The following SH3RF3 variants were observed in gnomAD, a reference collection of about 807,000 sequenced individuals.
The protein encoded by SH3RF3 is SH3 domain containing ring finger 3.
SH3RF3 carries 29 observed loss-of-function variants against 66.3 expected under a neutral mutation model. That is an observed-to-expected ratio of 0.44 (90% CI 0.33 to 0.60). The LOEUF (loss-of-function observed/expected upper bound fraction) is 0.60, where lower values mean the gene tolerates loss of function less well. SH3RF3 is among the 20% of genes least tolerant of loss of function. The probability of loss-of-function intolerance (pLI) is 0.04; values close to 1 mark genes in which losing one functional copy is unlikely to be tolerated. For missense variants in SH3RF3, 1,194 were observed against 1,190.9 expected (o/e 1.00, Z -0.04); for synonymous variants, 583 against 532.0 (o/e 1.10, Z -1.32).
Position 109,129,972 on chromosome 2 carries a change from T to G in SH3RF3, c.432T>G (p.Ser144Arg), listed in dbSNP as rs954408094. ...SPPARPIPGQ[S>R]AAPTLAGGGG... ...CCGCGCGTCCCATCCCAGGCCAGAGTGCGGCCCCCACGCTCGCGGGCGGCG... is the reference window on the plus strand; with the variant it reads ...CCGCGCGTCCCATCCCAGGCCAGAGGGCGGCCCCCACGCTCGCGGGCGGCG... Residue 144 changes from serine (S) to arginine (R), a missense_variant, in exon 1 of 10, where the codon AGT becomes AGG. Ser to Arg is a moderately radical substitution (Grantham distance 110). Coordinates refer to ENST00000309415, the MANE Select transcript of SH3RF3 (RefSeq NM_001099289.3). 56 of 1,338,290 alleles carry G rather than the reference T, an allele frequency of 4.2e-5. No individual in the cohort carries two copies. Among genetic ancestry groups the G allele is most frequent in the Non-Finnish European group, 5.1e-5 (54 of 1,050,448 alleles). The allele number at this position is 1,338,290 out of a possible 1,614,324, so 82.9% of individuals were successfully genotyped here.
intron 1 of SH3RF3, among the ~76,000 whole-genome samples, chr2:109,196,786 G>A (rs1678511520): frequency 6.6e-6 from 1 of 152,200 alleles, no homozygotes; most frequent in African/African-American, 2.4e-5. Context: ...ATGAGATCAG[G>A]CGCCAATAGC....
intron 3 of SH3RF3, among the ~76,000 whole-genome samples, chr2:109,377,692 C>T (rs1178540640): frequency 6.6e-6 from 1 of 152,050 alleles, no homozygotes; most frequent in Non-Finnish European, 1.5e-5. Flanking sequence ...TGGCCATTTC[C>T]CGTTTGAGAG....
At chr2:109,447,193 GA>G (rs1241725685) in intron 7 of SH3RF3, among the ~76,000 whole-genome samples, 13 of 120,610 alleles carry the variant, frequency 1.1e-4, no homozygotes, top group South Asian at 2.9e-4. Context: ...AAAGAAAACA[GA>G]AAAAAAAAAC....
At chr2:109,440,956 T>C (rs1351925589) in intron 7 of SH3RF3, among the ~76,000 whole-genome samples, 1 of 151,978 alleles carries the variant, frequency 6.6e-6, no homozygotes, top group African/African-American at 2.4e-5. Context: ...GACGGAAAAA[T>C]TGCAGAAATC....
At chr2:109,230,027 T>C (rs1009226154) in intron 1 of SH3RF3, among the ~76,000 whole-genome samples, 2 of 151,522 alleles carry the variant, frequency 1.3e-5, no homozygotes, top group African/African-American at 4.8e-5. Flanking sequence ...GGTTTCACCA[T>C]GTTAGCCAGG....
chr2:109,372,771 T>G (rs1486287587), intron 3 of SH3RF3, among the ~76,000 whole-genome samples: 1 of 152,202 alleles, frequency 6.6e-6, no homozygotes, highest in Admixed American at 6.5e-5. Context: ...CTCAGCTCAG[T>G]GCTGGGCTCC....
At chr2:109,133,972 T>A (rs1164283615) in intron 1 of SH3RF3, among the ~76,000 whole-genome samples, 1 of 152,134 alleles carries the variant, frequency 6.6e-6, no homozygotes, top group Non-Finnish European at 1.5e-5. Context: ...GTCCAGCTGG[T>A]CAGCTAGTGG....
intron 1 of SH3RF3, among the ~76,000 whole-genome samples, chr2:109,277,385 C>T (rs796976744): frequency 1.3e-5 from 2 of 152,270 alleles, no homozygotes; most frequent in African/African-American, 2.4e-5. Context: ...TGACCCCGGC[C>T]TCGGTGATGG....
chr2:109,328,465 A>G (rs1038661620), intron 1 of SH3RF3, among the ~76,000 whole-genome samples: 2 of 152,014 alleles, frequency 1.3e-5, no homozygotes, highest in African/African-American at 2.4e-5. Context: ...ATTTCCTGTA[A>G]ACTGGTAGTT....
chr2:109,466,695 T>A (rs910044625), intron 8 of SH3RF3, among the ~76,000 whole-genome samples: 2 of 152,222 alleles, frequency 1.3e-5, no homozygotes, highest in Non-Finnish European at 2.9e-5. Context: ...TTCTAGGAGT[T>A]TCATAGTTTT....
intron 1 of SH3RF3, chr2:109,141,463 T>G (rs1424890685): frequency 6.5e-6 from 1 of 154,550 alleles, no homozygotes; most frequent in Non-Finnish European, 1.5e-5. Flanking sequence ...CTGCAGCACC[T>G]AGGCACATGC....
chr2:109,488,602 G>A (rs1392030848), intron 8 of SH3RF3, among the ~76,000 whole-genome samples: 1 of 152,146 alleles, frequency 6.6e-6, no homozygotes, highest in African/African-American at 2.4e-5. Flanking sequence ...ACCCCTCACG[G>A]TTTCTTCTTT....
chr2:109,279,072 T>A (rs7569419), intron 1 of SH3RF3, among the ~76,000 whole-genome samples: 53,015 of 152,068 alleles, frequency 0.35, 9,372 homozygotes, highest in South Asian at 0.41. Context: ...TAAGAGGATC[T>A]TGGGAACTGC....
At chr2:109,259,320 G>C (rs1191581385) in intron 1 of SH3RF3, among the ~76,000 whole-genome samples, 1 of 152,226 alleles carries the variant, frequency 6.6e-6, no homozygotes, top group Admixed American at 6.5e-5. Flanking sequence ...GGCTCTGACA[G>C]TTGAGCCTAC....
Position 109,309,677 on chromosome 2 carries a change from A to G in SH3RF3, c.574-37997A>G, listed in dbSNP as rs187236455. ...GGAAGATCTACCAAGCAAATGGAAA[A>G]CAAAAAAAGGCAGGGAGTCTCTGAT... is the stretch of plus-strand genomic sequence containing the variant. On this transcript the variant is annotated intron_variant, in intron 1 of 9. Coordinates refer to ENST00000309415, the MANE Select transcript of SH3RF3 (RefSeq NM_001099289.3). Among the ~76,000 whole-genome samples, 145 of 128,798 alleles carry G rather than the reference A, an allele frequency of 1.1e-3. 18 individuals are homozygous for G. The highest frequency in any genetic ancestry group is 7.6e-3 in the Middle Eastern group (2 of 264). 84.5% of individuals were successfully genotyped at this position (128,798 alleles called of 152,430 possible).
At chr2:109,178,809 C>G (rs981807194) in intron 1 of SH3RF3, among the ~76,000 whole-genome samples, 1 of 152,068 alleles carries the variant, frequency 6.6e-6, no homozygotes, top group Non-Finnish European at 1.5e-5. Context: ...GTTTAATGAG[C>G]AAAATAATTG....
At chr2:109,366,234 T>C (rs569820976) in intron 2 of SH3RF3, among the ~76,000 whole-genome samples, 302 of 152,350 alleles carry the variant, frequency 2.0e-3, no homozygotes, top group Middle Eastern at 6.8e-3. Flanking sequence ...TTCCACTTTA[T>C]GGGCACCATG....
intron 1 of SH3RF3, among the ~76,000 whole-genome samples, chr2:109,158,553 G>A (rs1018888624): frequency 1.3e-5 from 2 of 152,186 alleles, no homozygotes; most frequent in Non-Finnish European, 2.9e-5. Flanking sequence ...GGCGCTCAGG[G>A]CTGTCTGACT....
rs1020690130 is a variant in SH3RF3 at position 109,278,036 on chromosome 2, G to A, written c.574-69638G>A. ...AAAAAAAAAAAAAAAAAAAAGCCAG[G>A]CATAGTGTCATGCACCTATAGTCCC... is the stretch of plus-strand genomic sequence containing the variant. On this transcript the variant is annotated intron_variant, in intron 1 of 9. Coordinates refer to ENST00000309415, the MANE Select transcript of SH3RF3 (RefSeq NM_001099289.3). Among the ~76,000 whole-genome samples, 80 of 147,532 alleles carry A rather than the reference G, an allele frequency of 5.4e-4. 1 individual carries two copies. Among genetic ancestry groups the A allele is most frequent in the African/African-American group, 1.8e-3 (73 of 40,712 alleles).
Sources: gnomAD v4.1 joint callset for allele counts (sites outside exome capture counted in the v4.1 genomes callset) on GRCh38, gnomAD v4.1.1 for gene constraint, MANE v1.5 for transcripts, NCBI Gene and HGNC (gene_info 2026-07-23, HGNC 2026-07-21) for gene names.